Variants in FBXL20 observed in about 807,000 individuals in gnomAD.
FBXL20 encodes F-box/LRR-repeat protein 20.
In FBXL20, 11 loss-of-function variants were observed where a neutral mutation model predicts 64.0. That is an observed-to-expected ratio of 0.17 (90% CI 0.11 to 0.28). The LOEUF is 0.28. FBXL20 is among the 10% of genes least tolerant of loss of function. The pLI, the probability that FBXL20 is intolerant of heterozygous loss-of-function variation, is 1.00. For synonymous variants in FBXL20, 184 were observed against 189.0 expected, an observed-to-expected ratio of 0.97 and a Z score of 0.22; for missense variants, 303 against 526.2, an observed-to-expected ratio of 0.58 and a Z score of 4.15.
At chr17:39,349,960 C>A (rs1055104863) in intron 1 of FBXL20, among the ~76,000 whole-genome samples, 1 of 150,468 alleles carries the variant, frequency 6.6e-6, no homozygotes, top group Non-Finnish European at 1.5e-5. Flanking sequence ...AAGATGCAGT[C>A]AAAACTTTGT....
Position 39,254,893 on chromosome 17 carries a change from G to A in FBXL20, c.*6567C>T, listed in dbSNP as rs1243071478. 3 of 152,688 alleles carry A rather than the reference G, an allele frequency of 2.0e-5. No homozygotes were observed. The highest frequency in any genetic ancestry group is 4.4e-5 in the Non-Finnish European group (3 of 68,196). 9.5% of individuals were successfully genotyped at this position (152,688 alleles called of 1,614,324 possible). A position where few individuals can be genotyped will look rare whatever the true frequency, so the allele number is the denominator to read the frequency against. ...ACAGCAATAAACCACCCTGGCTGAG[G>A]AAGCACTGAGACTCAACCTCTATAA... On this transcript the variant is annotated 3_prime_UTR_variant, in exon 15 of 15. Transcript: ENST00000264658.
chr17:39,281,319 TA>T, intron 9 of FBXL20, 69 bp downstream of exon 9: 1 of 1,424,592 alleles, frequency 7.0e-7, no homozygotes, highest in Non-Finnish European at 9.8e-7. Flanking sequence ...CTGAAGCTCT[TA>T]AAATAGCTCT....
intron 6 of FBXL20, among the ~76,000 whole-genome samples, chr17:39,295,087 G>T (rs769510812): frequency 6.6e-6 from 1 of 152,110 alleles, no homozygotes; most frequent in Non-Finnish European, 1.5e-5. Context: ...TAAAACAAGA[G>T]GGGATAAGTG....
chr17:39,275,473 G>A (rs1196638285), intron 9 of FBXL20, among the ~76,000 whole-genome samples: 1 of 152,006 alleles, frequency 6.6e-6, no homozygotes, highest in Non-Finnish European at 1.5e-5. Context: ...GTGCAGTGGT[G>A]CAATCTTGGC....
chr17:39,337,554 C>A (rs1204984768), intron 2 of FBXL20, among the ~76,000 whole-genome samples: 1 of 149,548 alleles, frequency 6.7e-6, no homozygotes, highest in African/African-American at 2.5e-5. Flanking sequence ...GCCTCTGCCC[C>A]GCCGCCCCGT....
intron 2 of FBXL20, among the ~76,000 whole-genome samples, chr17:39,320,284 T>TA (rs909540086): frequency 6.6e-6 from 1 of 152,086 alleles, no homozygotes; most frequent in Non-Finnish European, 1.5e-5. Context: ...TAAAAATAAT[T>TA]AAAAAAATAT....
At chr17:39,360,105 G>A (rs2047780232) in intron 1 of FBXL20, among the ~76,000 whole-genome samples, 1 of 152,016 alleles carries the variant, frequency 6.6e-6, no homozygotes, top group East Asian at 1.9e-4. Flanking sequence ...TCTGACACAT[G>A]GATGAACCCT....
At chr17:39,286,620 G>A (rs1250907891) in intron 6 of FBXL20, among the ~76,000 whole-genome samples, 2 of 152,076 alleles carry the variant, frequency 1.3e-5, no homozygotes, top group Non-Finnish European at 2.9e-5. Context: ...CCAACATTGT[G>A]AAACCCTGTC....
rs2046678115 is a variant in FBXL20 at position 39,254,566 on chromosome 17, G to C, written c.*6894C>G. On this transcript the variant is annotated 3_prime_UTR_variant, in exon 15 of 15. Transcript: ENST00000264658. ...GGGTGCACTTGTGGTTCTTTCGGTG[G>C]TGCCAAAACCTATCTGTTTGACTGG... is the stretch of plus-strand genomic sequence containing the variant. The C allele has an allele frequency of 6.5e-6, 1 of 154,448 alleles. No individual in the cohort carries two copies. Among genetic ancestry groups the C allele is most frequent in the Non-Finnish European group, 1.5e-5 (1 of 68,210 alleles). The allele number at this position is 154,448 out of a possible 1,614,324, so 9.6% of individuals were successfully genotyped here.
chr17:39,321,009 T>A (rs974462243), intron 2 of FBXL20, among the ~76,000 whole-genome samples: 16 of 152,316 alleles, frequency 1.1e-4, no homozygotes, highest in African/African-American at 3.6e-4. Flanking sequence ...GTTCTTTTTT[T>A]GTTTTTTTCT....
intron 1 of FBXL20, among the ~76,000 whole-genome samples, chr17:39,384,887 T>C (rs543580440): frequency 6.6e-6 from 1 of 152,178 alleles, no homozygotes; most frequent in Non-Finnish European, 1.5e-5. Context: ...GAAGCGGAGG[T>C]TGCAGTGAGC....
rs57404515 is a variant in FBXL20 at position 39,298,942 on chromosome 17, C to T, written c.329+48G>A. 1.2e-3 allele frequency: 1,729 copies of T among 1,462,506 alleles called. 21 individuals carry two copies. In the African/African-American group the frequency reaches 0.022, roughly 18 times the overall value. 90.6% of individuals were successfully genotyped at this position (1,462,506 alleles called of 1,614,324 possible). A position where few individuals can be genotyped will look rare whatever the true frequency, so the allele number is the denominator to read the frequency against. On this transcript the variant is annotated intron_variant, in intron 5 of 14. Coordinates refer to ENST00000264658, the MANE Select transcript of FBXL20 (RefSeq NM_032875.3). The stretch of plus-strand genomic sequence containing the variant: ...TTAGCCTTTTCTGGGTGAGATGGTG[C>T]TGCTCTTCACTTCCATCAAGAAGAT...
intron 1 of FBXL20, among the ~76,000 whole-genome samples, chr17:39,364,186 TG>T (rs2047835195): frequency 6.6e-6 from 1 of 152,262 alleles, no homozygotes; most frequent in South Asian, 2.1e-4. Context: ...CCACTGCGCC[TG>T]GGTCCCAATG....
chr17:39,397,620 T>A (rs1317973002), intron 1 of FBXL20, among the ~76,000 whole-genome samples: 4 of 152,124 alleles, frequency 2.6e-5, no homozygotes, highest in Non-Finnish European at 4.4e-5. Flanking sequence ...TAAACATTAA[T>A]CTCACTAAGT....
chr17:39,317,969 G>C (rs564964768), intron 2 of FBXL20, among the ~76,000 whole-genome samples: 2 of 151,894 alleles, frequency 1.3e-5, no homozygotes, highest in East Asian at 1.9e-4. Context: ...CAAAGTGCTG[G>C]GATTACAGGC....
At position 39,277,265 on chromosome 17, in the gene FBXL20, G is replaced by A. The variant is rs377570305; in HGVS notation, c.697-2165C>T. 1.4e-4 allele frequency among the ~76,000 whole-genome samples: 22 copies of A among 152,288 alleles called. No homozygotes were observed. The East Asian group carries it at 3.7e-3, about 25-fold the overall frequency. On this transcript the variant is annotated intron_variant, in intron 9 of 14. Coordinates refer to ENST00000264658, the MANE Select transcript of FBXL20 (RefSeq NM_032875.3). ...AGCTAAAAAAGTCCCACACAAACAT[G>A]ATGTATTGTCTTTAGACTATGATAG...
At chr17:39,267,432 G>C (rs2046802078) in intron 12 of FBXL20, among the ~76,000 whole-genome samples, 1 of 152,182 alleles carries the variant, frequency 6.6e-6, no homozygotes, top group Non-Finnish European at 1.5e-5. Flanking sequence ...TCAGACGATA[G>C]TGCTTGCTGG....
rs111734598 is a variant in FBXL20, at chr17:39,356,786, G to C, written c.43-13545C>G. Among the ~76,000 whole-genome samples the C allele has an allele frequency of 6.1e-3, 931 of 151,490 alleles. 8 individuals are homozygous for C. Among genetic ancestry groups the C allele is most frequent in the African/African-American group, 0.021 (881 of 41,270 alleles). Reference sequence around the variant, plus strand: ...TTCTACCACCTCTGCCTCCTGAGAAGCTGGAACTACGGGTGCGTGCCACCA... The same window carrying C: ...TTCTACCACCTCTGCCTCCTGAGAACCTGGAACTACGGGTGCGTGCCACCA... On this transcript the variant is annotated intron_variant, in intron 1 of 14. Transcript: ENST00000264658.
intron 12 of FBXL20, 51 bp from the exon 13 acceptor site, chr17:39,265,504 G>A (rs2046782778): frequency 7.3e-7 from 1 of 1,366,022 alleles, no homozygotes; most frequent in East Asian, 2.3e-5. Context: ...ATAAAATCCT[G>A]AGTCATACCT....
Sources: gnomAD v4.1 joint callset for allele counts (sites outside exome capture counted in the v4.1 genomes callset) on GRCh38, gnomAD v4.1.1 for gene constraint, MANE v1.5 for transcripts, NCBI Gene and HGNC (gene_info 2026-07-23, HGNC 2026-07-21) for gene names.